The following MACF1 variants were observed in gnomAD, a reference collection of about 807,000 sequenced individuals.
MACF1 encodes the protein microtubule-actin cross-linking factor 1.
MACF1 carries 193 observed loss-of-function variants against 854.8 expected under a neutral mutation model. The ratio of observed to expected loss-of-function variants is 0.23; its 90% CI spans 0.20 to 0.25. The LOEUF is 0.25. Among genes scored for constraint, MACF1 ranks in the 10% least tolerant of loss-of-function variants. MACF1 has a pLI of 1.00. For synonymous variants in MACF1, 3,185 were observed against 3,226.7 expected (o/e 0.99, Z 0.44); for missense variants, 7,722 against 8,929.1 (o/e 0.86, Z 5.45).
In MACF1 at chr1:39,332,788, T is replaced by C. The variant is rs1178002863; in HGVS notation, c.6200T>C (p.Val2067Ala). The C allele has an allele frequency of 2.5e-6, 4 of 1,614,156 alleles. No individual in the cohort carries two copies. The change falls in exon 37 of 101, where the codon GTA becomes GCA. Residue 2067 changes from valine (V) to alanine (A), a missense_variant. Physicochemically the swap from Val to Ala is moderately conservative, Grantham distance 64. Around this residue, in one of 15 missense-constraint regions of MACF1, gnomAD observed 1,531 missense variants for 1,601.6 expected, o/e 0.96. Transcript: ENST00000564288. ...ACAGAAAAAGGCAAAAAGACCACTG[T>C]AGAAACAGAAGATTCTTCTGTAGAG... ...CTTEKGKKTT[V>A]ETEDSSVENP... is the part of the protein sequence containing the mutation.
chr1:39,386,973 A>G (rs1641830322), intron 57 of MACF1, among the ~76,000 whole-genome samples: 1 of 152,208 alleles, frequency 6.6e-6, no homozygotes, highest in Non-Finnish European at 1.5e-5. Flanking sequence ...CTAGAAGTCA[A>G]AGTTTACTTC....
At chr1:39,456,070 AC>A (rs1033349710) in intron 89 of MACF1, among the ~76,000 whole-genome samples, 1 of 152,152 alleles carries the variant, frequency 6.6e-6, no homozygotes, top group Admixed American at 6.5e-5. Context: ...GTGGTGGCTC[AC>A]CCCTGTAATC....
intron 2 of MACF1, among the ~76,000 whole-genome samples, chr1:39,097,721 C>CA (rs111425509): frequency 0.066 from 9,765 of 147,710 alleles, 901 homozygotes; most frequent in African/African-American, 0.21. Context: ...AACCCTGTCT[C>CA]AAAAAAAAAG....
Position 39,297,569 on chromosome 1 carries a change from C to T in MACF1, c.2356-51C>T, listed in dbSNP as rs987637512. The stretch of plus-strand genomic sequence containing the variant: ...AATTGTTCTTTCTTAGTTAATATTC[C>T]GGTGTTCTAATGTTTTGAGCAGAAG... On this transcript the variant is annotated intron_variant, in intron 20 of 100. Transcript: ENST00000564288. 9 of 1,606,172 alleles carry T rather than the reference C, an allele frequency of 5.6e-6. No homozygotes were observed. In the African/African-American group the frequency reaches 8.0e-5, roughly 14 times the overall value.
chr1:39,232,758 T>TG lies in MACF1; in HGVS notation c.171+1515_171+1516insG, dbSNP rs201176271. On this transcript the variant is annotated intron_variant, in intron 2 of 100. Coordinates refer to ENST00000564288, the MANE Select transcript of MACF1 (RefSeq NM_001394062.1). ...TCATACTCTCTTTGTTTTTTTTTTT[T>TG]TTTTTTTTTTGTTTGTTTGTTTCTT... is the stretch of plus-strand genomic sequence containing the variant. 6.8e-3 allele frequency among the ~76,000 whole-genome samples: 974 copies of TG among 142,918 alleles called. 7 individuals are homozygous for TG. The highest frequency in any genetic ancestry group is 9.9e-3 in the Admixed American group (140 of 14,144). 93.8% of individuals were successfully genotyped at this position (142,918 alleles called of 152,430 possible). A position where few individuals can be genotyped will look rare whatever the true frequency, so the allele number is the denominator to read the frequency against.
In MACF1 at chr1:39,291,963, G is replaced by T. The variant is rs1472736277; in HGVS notation, c.1839G>T (p.Gln613His). The change falls in exon 16 of 101, where the codon CAG becomes CAT. Residue 613 changes from glutamine to histidine, a missense_variant. Physicochemically the swap from Gln to His is conservative, Grantham distance 24. Transcript: ENST00000564288. ...ATGACCTGCCTAGTGTGGAGTTGCA[G>T]CTAGAAACACAGCAGCACATCCATA... Reference protein sequence around the residue: ...WGNDLPSVELQLETQQHIHTS... With the variant: ...WGNDLPSVELHLETQQHIHTS... 3.7e-6 allele frequency: 6 copies of T among 1,613,952 alleles called. No homozygotes were observed. In the African/African-American group the frequency reaches 8.0e-5, roughly 22 times the overall value.
chr1:39,093,879 C>T (rs1374247703), intron 2 of MACF1, among the ~76,000 whole-genome samples: 1 of 151,526 alleles, frequency 6.6e-6, no homozygotes, highest in African/African-American at 2.4e-5. Context: ...CCTCTGCCTC[C>T]CGGGTTCTCC....
At chr1:39,234,433 T>C (rs1644827471) in intron 2 of MACF1, among the ~76,000 whole-genome samples, 1 of 142,060 alleles carries the variant, frequency 7.0e-6, no homozygotes, top group African/African-American at 2.7e-5. Context: ...CCCCCCCACC[T>C]CCCTCCCGGA....
intron 2 of MACF1, among the ~76,000 whole-genome samples, chr1:39,179,361 A>T (rs929008753): frequency 2.0e-5 from 3 of 152,130 alleles, no homozygotes; most frequent in Admixed American, 2.0e-4. Flanking sequence ...TACATGGGAG[A>T]GTCAGGATAC....
At chr1:39,282,618 G>A (rs542298457) in intron 7 of MACF1, among the ~76,000 whole-genome samples, 13 of 152,334 alleles carry the variant, frequency 8.5e-5, no homozygotes, top group African/African-American at 2.9e-4. Context: ...GGTAATAAAT[G>A]TATGCCATCA....
At chr1:39,228,383 A>C (rs1338236856) in intron 1 of MACF1, among the ~76,000 whole-genome samples, 2 of 152,162 alleles carry the variant, frequency 1.3e-5, no homozygotes. Flanking sequence ...GATGAAGAGG[A>C]AGAGAAGTAG....
At chr1:39,385,961 T>C (rs757188285) in intron 57 of MACF1, 32 bp downstream of exon 57, 1 of 1,565,598 alleles carries the variant, frequency 6.4e-7, no homozygotes, top group South Asian at 1.2e-5. Flanking sequence ...ACTTCTGCCA[T>C]TATTAGAGGC....
intron 58 of MACF1, among the ~76,000 whole-genome samples, chr1:39,393,188 A>ATATATATATATATAT (rs1365389099): frequency 9.1e-5 from 8 of 88,186 alleles, no homozygotes; most frequent in African/African-American, 5.0e-4. Context: ...GGGTAAAAAA[A>ATATATATATATATAT]AAAAAAAAAT....
chr1:39,465,333 G>A (rs3754348), intron 95 of MACF1, among the ~76,000 whole-genome samples: 3 of 152,160 alleles, frequency 2.0e-5, no homozygotes, highest in Non-Finnish European at 4.4e-5. Flanking sequence ...ATGAAATGGA[G>A]GAAAGTGAAG....
At chr1:39,176,003 G>A (rs1297278212) in intron 2 of MACF1, among the ~76,000 whole-genome samples, 22 of 149,194 alleles carry the variant, frequency 1.5e-4, no homozygotes, top group Non-Finnish European at 2.5e-4. Flanking sequence ...CCAGCTACTC[G>A]GGAGGCTGAG....
At chr1:39,433,612 A>G (rs528964998) in intron 68 of MACF1, among the ~76,000 whole-genome samples, 1 of 152,350 alleles carries the variant, frequency 6.6e-6, no homozygotes, top group South Asian at 2.1e-4. Flanking sequence ...GTTTAAGCAC[A>G]GTTTCCTCAG....
rs556650464 is a variant in MACF1 at position 39,434,037 on chromosome 1, G to A, written c.17566-377G>A. Among the ~76,000 whole-genome samples, 144 of 152,148 alleles carry A rather than the reference G, an allele frequency of 9.5e-4. 1 individual carries two copies. Among genetic ancestry groups the A allele is most frequent in the Middle Eastern group, 6.8e-3 (2 of 294 alleles). On this transcript the variant is annotated intron_variant, in intron 68 of 100. Coordinates refer to ENST00000564288, the MANE Select transcript of MACF1 (RefSeq NM_001394062.1). ...GGAGGTTACAGTGAGCTGAGATCGCGCCAGTGCACTCCAGCCTAGGTGACA... is the reference window on the plus strand; with the variant it reads ...GGAGGTTACAGTGAGCTGAGATCGCACCAGTGCACTCCAGCCTAGGTGACA...
At chr1:39,226,752 A>G (rs1454518317) in intron 1 of MACF1, among the ~76,000 whole-genome samples, 2 of 152,226 alleles carry the variant, frequency 1.3e-5, no homozygotes, top group Non-Finnish European at 2.9e-5. Flanking sequence ...AATACTTACT[A>G]GTTTAAAAGA....
intron 58 of MACF1, among the ~76,000 whole-genome samples, chr1:39,415,334 A>ATT (rs900085763): frequency 7.0e-6 from 1 of 142,330 alleles, no homozygotes; most frequent in African/African-American, 2.6e-5. Flanking sequence ...GATTCTTTTT[A>ATT]TTTTTTTTTT....
Sources: allele counts gnomAD v4.1 joint callset (sites outside exome capture counted in the v4.1 genomes callset), GRCh38; gene constraint gnomAD v4.1.1; regional missense constraint gnomAD v4.1.1; transcripts MANE v1.5; gene names NCBI Gene and HGNC (gene_info 2026-07-23, HGNC 2026-07-21).